Variants in GTF2IRD1 observed in about 807,000 individuals in gnomAD.
The protein encoded by GTF2IRD1 is GTF2I repeat domain containing 1.
GTF2IRD1 carries 26 observed loss-of-function variants against 113.2 expected under a neutral mutation model. That is an observed-to-expected ratio of 0.23 (90% CI 0.17 to 0.32). The LOEUF is 0.32. Among genes scored for constraint, GTF2IRD1 ranks in the 10% least tolerant of loss-of-function variants. GTF2IRD1 has a pLI of 1.00. For synonymous variants in GTF2IRD1, 484 were observed against 529.1 expected (o/e 0.91, Z 1.17); for missense variants, 864 against 1,280.8 (o/e 0.67, Z 4.97).
At chr7:74,472,701 G>A (rs1199794437) in intron 1 of GTF2IRD1, among the ~76,000 whole-genome samples, 2 of 152,188 alleles carry the variant, frequency 1.3e-5, no homozygotes, top group Admixed American at 1.3e-4. Flanking sequence ...GCAGTGAGCC[G>A]AGATCGCACC....
intron 22 of GTF2IRD1, among the ~76,000 whole-genome samples, chr7:74,577,158 C>T (rs587769470): frequency 5.9e-5 from 9 of 152,258 alleles, no homozygotes; most frequent in Admixed American, 2.6e-4. Context: ...CTGCCTCAGC[C>T]TCCTGAGTAG....
At chr7:74,473,064 C>T (rs150870485) in intron 1 of GTF2IRD1, among the ~76,000 whole-genome samples, 1 of 152,298 alleles carries the variant, frequency 6.6e-6, no homozygotes, top group East Asian at 1.9e-4. Flanking sequence ...GTTGATGGCC[C>T]CCCAGGGACA....
intron 1 of GTF2IRD1, among the ~76,000 whole-genome samples, chr7:74,502,965 G>A (rs1243681155): frequency 4.6e-5 from 7 of 152,096 alleles, no homozygotes; most frequent in Admixed American, 1.3e-4. Context: ...TCAGGCGTTC[G>A]AGACCAGCCT....
At chr7:74,572,591 T>C in intron 22 of GTF2IRD1, 3 of 980,196 alleles carry the variant, frequency 3.1e-6, no homozygotes, top group Middle Eastern at 5.2e-4. Flanking sequence ...TCCCTTCTGC[T>C]GCCCAAGACT....
intron 9 of GTF2IRD1, among the ~76,000 whole-genome samples, chr7:74,530,316 A>G (rs1317039249): frequency 1.3e-5 from 2 of 151,948 alleles, no homozygotes; most frequent in Non-Finnish European, 1.5e-5. Flanking sequence ...TGGGGAGGCA[A>G]TGATGGGGCA....
intron 26 of GTF2IRD1, 27 bp downstream of exon 26, chr7:74,601,207 G>T: frequency 6.4e-7 from 1 of 1,557,706 alleles, no homozygotes; most frequent in Non-Finnish European, 8.7e-7. Flanking sequence ...TTGGACTCCG[G>T]CACTCATCTC....
chr7:74,572,041 A>G (rs1232735335), intron 22 of GTF2IRD1, among the ~76,000 whole-genome samples: 2 of 152,202 alleles, frequency 1.3e-5, no homozygotes, highest in African/African-American at 4.8e-5. Context: ...AGCCTCAAAT[A>G]CAGTAGCACC....
At chr7:74,588,053 A>C (rs1490225502) in intron 22 of GTF2IRD1, among the ~76,000 whole-genome samples, 17 of 151,540 alleles carry the variant, frequency 1.1e-4, no homozygotes, top group African/African-American at 3.9e-4. Flanking sequence ...GTACCACCCC[A>C]AAGTTCAGCC....
chr7:74,587,624 AGAG>A lies in GTF2IRD1; in HGVS notation c.2321-2223_2321-2221del, dbSNP rs1159246517. ...GCCCATGTGACCCCACGCTTCTCAGAGAGGAGATTTCCTGTTGGACATGCAAAC... is the reference window on the plus strand; with the variant it reads ...GCCCATGTGACCCCACGCTTCTCAGAGAGATTTCCTGTTGGACATGCAAAC... On this transcript the variant is annotated intron_variant, in intron 22 of 26. Coordinates refer to ENST00000424337, the MANE Select transcript of GTF2IRD1 (RefSeq NM_005685.4). 5.3e-5 allele frequency among the ~76,000 whole-genome samples: 8 copies of A among 152,082 alleles called. No individual in the cohort carries two copies. The East Asian group carries it at 7.7e-4, about 15-fold the overall frequency.
rs587725509 is a variant in GTF2IRD1, at chr7:74,526,912, C to A, written c.1090+2758C>A. 3.9e-4 allele frequency among the ~76,000 whole-genome samples: 60 copies of A among 152,254 alleles called. No individual in the cohort carries two copies. The South Asian group carries it at 0.012, about 32-fold the overall frequency. On this transcript the variant is annotated intron_variant, in intron 8 of 26. Coordinates refer to ENST00000424337, the MANE Select transcript of GTF2IRD1 (RefSeq NM_005685.4). ...GATCTGGATGCCAAAGCCGCCAACG[C>A]AGACCTGGGCCGCTGCATCAACAGG...
chr7:74,547,408 C>A lies in GTF2IRD1; in HGVS notation c.1916+122C>A, dbSNP rs1583853797. The A allele has an allele frequency of 4.4e-5, 31 of 702,684 alleles. No individual in the cohort carries two copies. The East Asian group carries it at 8.9e-4, about 20-fold the overall frequency. 43.5% of individuals were successfully genotyped at this position (702,684 alleles called of 1,614,324 possible). A position where few individuals can be genotyped will look rare whatever the true frequency, so the allele number is the denominator to read the frequency against. On this transcript the variant is annotated intron_variant, in intron 17 of 26. Transcript: ENST00000424337. Reference sequence around the variant, plus strand: ...TCAGCCACCTGAATAGCTGGGACCACAGGTGTGAGGTGTGTGCCACCATGC... The same window carrying A: ...TCAGCCACCTGAATAGCTGGGACCAAAGGTGTGAGGTGTGTGCCACCATGC...
At chr7:74,514,683 G>GT (rs1322802749) in intron 3 of GTF2IRD1, among the ~76,000 whole-genome samples, 1 of 151,894 alleles carries the variant, frequency 6.6e-6, no homozygotes, top group African/African-American at 2.4e-5. Context: ...TGGAGCAGGG[G>GT]TTGGGGGGTG....
chr7:74,507,924 C>T (rs532782704), intron 1 of GTF2IRD1, among the ~76,000 whole-genome samples, 151 bp from the exon 2 acceptor site: 5 of 152,274 alleles, frequency 3.3e-5, no homozygotes, highest in Admixed American at 1.3e-4. Context: ...AATCCCATCA[C>T]ACATAAAGCC....
chr7:74,584,897 G>A (rs1554367245), intron 22 of GTF2IRD1, among the ~76,000 whole-genome samples: 1 of 151,942 alleles, frequency 6.6e-6, no homozygotes, highest in Admixed American at 6.6e-5. Context: ...CGCCTCCCAG[G>A]TTTAAGCGAT....
At chr7:74,509,084 C>T (rs1554342041) in intron 2 of GTF2IRD1, among the ~76,000 whole-genome samples, 1 of 152,008 alleles carries the variant, frequency 6.6e-6, no homozygotes, top group Non-Finnish European at 1.5e-5. Flanking sequence ...TGGCCCAGCA[C>T]GGTGGCTCAC....
At chr7:74,519,293 C>T (rs768436795) in intron 5 of GTF2IRD1, 116 bp from the exon 6 acceptor site, 20 of 659,878 alleles carry the variant, frequency 3.0e-5, no homozygotes, top group Non-Finnish European at 4.5e-5. Flanking sequence ...CTGTCCTGCC[C>T]TCCTCATGGG....
Position 74,485,656 on chromosome 7 carries a change from T to C in GTF2IRD1, c.-6-22419T>C, listed in dbSNP as rs546250587. ...AATAGATGCAGCTGGGAGCAGTGGCTCACACCTATAATCCCGGCACTTTGA... is the reference window on the plus strand; with the variant it reads ...AATAGATGCAGCTGGGAGCAGTGGCCCACACCTATAATCCCGGCACTTTGA... On this transcript the variant is annotated intron_variant, in intron 1 of 26. Coordinates refer to ENST00000424337, the MANE Select transcript of GTF2IRD1 (RefSeq NM_005685.4). 2.0e-5 allele frequency among the ~76,000 whole-genome samples: 3 copies of C among 151,376 alleles called. No homozygotes were observed. The East Asian group carries it at 5.9e-4, about 30-fold the overall frequency.
chr7:74,544,690 C>G, intron 14 of GTF2IRD1, 65 bp from the exon 15 acceptor site: 2 of 1,515,448 alleles, frequency 1.3e-6, no homozygotes. Flanking sequence ...TCTGGCCTGA[C>G]GTCGGCAGTG....
At chr7:74,496,177 G>A (rs1795660252) in intron 1 of GTF2IRD1, among the ~76,000 whole-genome samples, 1 of 151,988 alleles carries the variant, frequency 6.6e-6, no homozygotes, top group South Asian at 2.1e-4. Flanking sequence ...ATGTGTGTAT[G>A]CATGTGAGTG....
Sources: gnomAD v4.1 joint callset for allele counts (sites outside exome capture counted in the v4.1 genomes callset) on GRCh38, gnomAD v4.1.1 for gene constraint, MANE v1.5 for transcripts, NCBI Gene and HGNC (gene_info 2026-07-23, HGNC 2026-07-21) for gene names.